RIT2: variants seen among roughly 807,000 people sequenced by gnomAD.
RIT2 encodes GTP-binding protein Rit2.
Under a neutral mutation model 23.7 loss-of-function variants are expected in RIT2, and 24 were observed. The observed-to-expected ratio is 1.01, with a 90% CI of 0.73 to 1.43. The LOEUF (loss-of-function observed/expected upper bound fraction) is 1.43. Ranked by LOEUF, RIT2 falls within the 40% of genes most tolerant of loss-of-function variation. RIT2 has a pLI of 0.00. For synonymous variants in RIT2, 107 were observed against 91.1 expected, an observed-to-expected ratio of 1.17 and a Z score of -0.99; for missense variants, 236 against 266.9, an observed-to-expected ratio of 0.88 and a Z score of 0.81.
intron 4 of RIT2, among the ~76,000 whole-genome samples, chr18:42,832,264 A>G (rs1456105162): frequency 6.6e-6 from 1 of 152,238 alleles, no homozygotes; most frequent in African/African-American, 2.4e-5. Flanking sequence ...CAACCATTAC[A>G]TTTAATCTTG....
At chr18:42,949,445 A>G (rs1210014776) in intron 3 of RIT2, among the ~76,000 whole-genome samples, 2 of 152,086 alleles carry the variant, frequency 1.3e-5, no homozygotes, top group Non-Finnish European at 2.9e-5. Flanking sequence ...GTTTCAAAAT[A>G]ATTATTCTTG....
chr18:43,043,522 T>C (rs1468920305), intron 1 of RIT2, among the ~76,000 whole-genome samples: 3 of 152,124 alleles, frequency 2.0e-5, no homozygotes, highest in Non-Finnish European at 4.4e-5. Flanking sequence ...CTGGGCCTGG[T>C]GGCTCACGCT....
intron 4 of RIT2, among the ~76,000 whole-genome samples, chr18:42,793,520 G>A (rs1284915741): frequency 6.6e-6 from 1 of 152,068 alleles, no homozygotes; most frequent in Non-Finnish European, 1.5e-5. Context: ...TCTCATTAAG[G>A]GAAATAAATC....
intron 4 of RIT2, among the ~76,000 whole-genome samples, chr18:42,906,062 A>AT (rs1173715345): frequency 2.8e-5 from 4 of 143,566 alleles, no homozygotes; most frequent in African/African-American, 1.0e-4. Flanking sequence ...TTATACACTT[A>AT]TTTTTCCAGC....
chr18:43,069,305 T>C (rs963375584), intron 1 of RIT2, among the ~76,000 whole-genome samples: 3 of 152,094 alleles, frequency 2.0e-5, no homozygotes, highest in African/African-American at 7.2e-5. Flanking sequence ...ATGGAGTAGC[T>C]ATTCTTTCAC....
chr18:42,938,642 T>C (rs1175658042), intron 3 of RIT2, among the ~76,000 whole-genome samples: 3 of 152,198 alleles, frequency 2.0e-5, no homozygotes, highest in African/African-American at 4.8e-5. Flanking sequence ...GATCCAAATA[T>C]GGAAAATATT....
chr18:42,795,473 G>C (rs532639060), intron 4 of RIT2, among the ~76,000 whole-genome samples: 31 of 152,350 alleles, frequency 2.0e-4, no homozygotes, highest in African/African-American at 5.3e-4. Flanking sequence ...TTCCCGCGGG[G>C]CAGGGCTCGG....
intron 4 of RIT2, among the ~76,000 whole-genome samples, chr18:42,810,446 A>T (rs1221300915): frequency 2.0e-5 from 3 of 147,902 alleles, no homozygotes; most frequent in East Asian, 3.9e-4. Context: ...TAACCTATTA[A>T]TTTTTTTTTT....
At chr18:42,827,547 C>T (rs1420074772) in intron 4 of RIT2, among the ~76,000 whole-genome samples, 1 of 151,466 alleles carries the variant, frequency 6.6e-6, no homozygotes, top group African/African-American at 2.4e-5. Flanking sequence ...GAAGATATTT[C>T]CAGCATAAAA....
chr18:43,053,248 C>A (rs943082119), intron 1 of RIT2, among the ~76,000 whole-genome samples: 2 of 151,952 alleles, frequency 1.3e-5, no homozygotes, highest in Non-Finnish European at 2.9e-5. Flanking sequence ...GAACCCTAGG[C>A]CCTGATACAT....
intron 4 of RIT2, among the ~76,000 whole-genome samples, chr18:42,830,299 A>G (rs1163313244): frequency 6.6e-6 from 1 of 152,136 alleles, no homozygotes. Flanking sequence ...ACCATCAACA[A>G]CTCAATTTGG....
chr18:43,088,807 A>G (rs1025765080), intron 1 of RIT2, among the ~76,000 whole-genome samples: 2 of 152,096 alleles, frequency 1.3e-5, no homozygotes, highest in African/African-American at 4.8e-5. Flanking sequence ...TTATTGGAAC[A>G]TATCTATGTT....
rs142747339 is a variant in RIT2 at position 43,020,222 on chromosome 18, C to T, written c.160+13589G>A. Among the ~76,000 whole-genome samples, 23 of 152,172 alleles carry T rather than the reference C, an allele frequency of 1.5e-4. No homozygotes were observed. The East Asian group carries it at 2.3e-3, about 15-fold the overall frequency. ...ATATGAGGCCAGGCACAGTTGCTCA[C>T]GCCTGTAATCCCAGCACTTTGGAAG... On this transcript the variant is annotated intron_variant, in intron 2 of 4. Transcript: ENST00000326695.
chr18:42,910,236 C>G (rs886297476), intron 4 of RIT2, among the ~76,000 whole-genome samples: 1 of 152,044 alleles, frequency 6.6e-6, no homozygotes, highest in Non-Finnish European at 1.5e-5. Flanking sequence ...AAAAGGCAGA[C>G]ATAGGCCCTA....
intron 2 of RIT2, among the ~76,000 whole-genome samples, chr18:42,980,675 C>T (rs1268979499): frequency 6.6e-6 from 1 of 152,084 alleles, no homozygotes; most frequent in African/African-American, 2.4e-5. Flanking sequence ...CTGCAGGAGG[C>T]CTTGCCAAGA....
At chr18:42,942,955 G>T (rs1909639194) in intron 3 of RIT2, among the ~76,000 whole-genome samples, 1 of 152,056 alleles carries the variant, frequency 6.6e-6, no homozygotes, top group Admixed American at 6.6e-5. Context: ...CCTTCTGGTG[G>T]GTTCATAGTC....
intron 4 of RIT2, among the ~76,000 whole-genome samples, chr18:42,859,915 G>T (rs956810157): frequency 1.3e-5 from 2 of 151,664 alleles, no homozygotes; most frequent in Admixed American, 1.3e-4. Flanking sequence ...GACTACAGGT[G>T]CTATGTGACT....
intron 4 of RIT2, among the ~76,000 whole-genome samples, chr18:42,754,563 C>T (rs1913118322): frequency 6.6e-6 from 1 of 152,190 alleles, no homozygotes; most frequent in Non-Finnish European, 1.5e-5. Context: ...TGCAGTCAGT[C>T]TATGGTGACC....
chr18:42,989,897 G>A (rs1298465421), intron 2 of RIT2, among the ~76,000 whole-genome samples: 1 of 151,890 alleles, frequency 6.6e-6, no homozygotes. Context: ...TTTACTTTTT[G>A]TACTAGTCAG....
Sources: allele counts gnomAD v4.1 joint callset (sites outside exome capture counted in the v4.1 genomes callset), GRCh38; gene constraint gnomAD v4.1.1; transcripts MANE v1.5; gene names NCBI Gene and HGNC (gene_info 2026-07-23, HGNC 2026-07-21).